The following YEATS2 variants were observed in gnomAD, a reference collection of about 807,000 sequenced individuals.
The protein encoded by YEATS2 is YEATS domain containing 2.
A neutral mutation model predicts 163.2 loss-of-function variants in YEATS2; 77 were observed. The ratio of observed to expected loss-of-function variants is 0.47; its 90% CI spans 0.39 to 0.57. The LOEUF (loss-of-function observed/expected upper bound fraction) is 0.57. Among genes scored for constraint, YEATS2 ranks in the 20% least tolerant of loss-of-function variants. YEATS2 has a pLI of 0.00. For missense variants in YEATS2, 1,549 were observed against 1,729.8 expected (o/e 0.90, Z 1.85); for synonymous variants, 631 against 645.1 (o/e 0.98, Z 0.33).
At chr3:183,749,222 C>T (rs920082549) in intron 9 of YEATS2, among the ~76,000 whole-genome samples, 12 of 152,278 alleles carry the variant, frequency 7.9e-5, no homozygotes, top group Admixed American at 5.2e-4. Flanking sequence ...GGATTACAGG[C>T]GTGAGCCATG....
At chr3:183,728,601 C>T (rs557826514) in intron 6 of YEATS2, 89 bp from the exon 7 acceptor site, 6 of 1,253,984 alleles carry the variant, frequency 4.8e-6, no homozygotes, top group Non-Finnish European at 1.1e-6. Flanking sequence ...GAATTTTAAC[C>T]TTGTTTTTAA....
chr3:183,767,462 C>A (rs1722019945), intron 15 of YEATS2, among the ~76,000 whole-genome samples: 1 of 151,850 alleles, frequency 6.6e-6, no homozygotes, highest in Admixed American at 6.6e-5. Context: ...CTCACTACAA[C>A]CTCCGCCTCT....
chr3:183,738,391 CTTTTTTTTTT>C (rs1173865612), intron 8 of YEATS2, among the ~76,000 whole-genome samples: 12 of 74,048 alleles, frequency 1.6e-4, no homozygotes, highest in Admixed American at 3.0e-4. Context: ...AGGAAAAGTT[CTTTTTTTTTT>C]TTTTTTTTTT....
Position 183,751,885 on chromosome 3 carries a change from A to G in YEATS2, c.970-188A>G, listed in dbSNP as rs1176512851. Among the ~76,000 whole-genome samples the G allele has an allele frequency of 2.0e-5, 3 of 152,248 alleles. No individual in the cohort carries two copies. The East Asian group carries it at 5.8e-4, about 29-fold the overall frequency. ...AACCAGATTAGATTTTCACTGAGGTATGTGTCTGTTAAGCCAGATTAGATT... is the reference window on the plus strand; with the variant it reads ...AACCAGATTAGATTTTCACTGAGGTGTGTGTCTGTTAAGCCAGATTAGATT... On this transcript the variant is annotated intron_variant, in intron 9 of 30. Coordinates refer to ENST00000305135, the MANE Select transcript of YEATS2 (RefSeq NM_018023.5).
At chr3:183,785,086 T>C (rs766786744) in intron 19 of YEATS2, among the ~76,000 whole-genome samples, 5 of 151,364 alleles carry the variant, frequency 3.3e-5, no homozygotes, top group Non-Finnish European at 5.9e-5. Flanking sequence ...AAAAAAAGTT[T>C]GTTGAGCCTT....
In YEATS2 at chr3:183,756,550, C is replaced by T. The variant is rs533787154; in HGVS notation, c.1413C>T (p.Ser471=). The change falls in exon 12 of 31, where the codon AGC becomes AGT. Residue 471 remains serine, a synonymous_variant. Transcript: ENST00000305135. Reference sequence around the variant, plus strand: ...AAGGTTCCCCAATATCAACTCCAAGCCCATCACCATTGCCTCGAACCCCGA... The same window carrying T: ...AAGGTTCCCCAATATCAACTCCAAGTCCATCACCATTGCCTCGAACCCCGA... ...IVSGSPISTP[S]PSPLPRTPTS... is the part of the protein sequence containing the mutation. 2 of 1,588,816 alleles carry T rather than the reference C, an allele frequency of 1.3e-6. No homozygotes were observed. The highest frequency in any genetic ancestry group is 2.3e-5 in the South Asian group (2 of 85,370).
chr3:183,797,773 C>T, intron 21 of YEATS2, 150 bp from the exon 22 acceptor site: 1 of 872,988 alleles, frequency 1.1e-6, no homozygotes, highest in Non-Finnish European at 1.7e-6. Flanking sequence ...TCCACAGCAT[C>T]TGTTGTCTCC....
Position 183,728,731 on chromosome 3 carries a change from C to T in YEATS2, c.692C>T (p.Thr231Ile), listed in dbSNP as rs1423358578. The T allele has an allele frequency of 6.2e-7, 1 of 1,613,554 alleles. No homozygotes were observed. The highest frequency in any genetic ancestry group is 8.5e-7 in the Non-Finnish European group (1 of 1,179,882). The part of the protein sequence containing the change: ...PDKREENDQS[T>I]HKWMVYVRGS... ...AAGAGGGAAGAAAATGACCAGTCAA[C>T]TCATAAGTGGATGGTATATGTCCGA... Residue 231 changes from threonine to isoleucine, a missense_variant, in exon 7 of 31, where the codon ACT (threonine) becomes ATT (isoleucine). Thr to Ile is a moderately conservative substitution (Grantham distance 89). Transcript: ENST00000305135.
chr3:183,811,704 G>T lies in YEATS2; in HGVS notation c.*1121G>T, dbSNP rs1175372153. 6.6e-6 allele frequency: 1 copy of T among 152,380 alleles called. No homozygotes were observed. Among genetic ancestry groups the T allele is most frequent in the African/African-American group, 2.4e-5 (1 of 41,432 alleles). The allele number at this position is 152,380 out of a possible 1,614,324, so 9.4% of individuals were successfully genotyped here. A position where few individuals can be genotyped will look rare whatever the true frequency, so the allele number is the denominator to read the frequency against. Reference sequence around the variant, plus strand: ...GAGAAGGTGGCGCTGCCAGGTGCCCGGGTCTATTGGAGGCGCCCCATCTCA... The same window carrying T: ...GAGAAGGTGGCGCTGCCAGGTGCCCTGGTCTATTGGAGGCGCCCCATCTCA... On this transcript the variant is annotated 3_prime_UTR_variant, in exon 31 of 31. Transcript: ENST00000305135.
At position 183,800,503 on chromosome 3, in the gene YEATS2, C is replaced by T; in HGVS notation, c.3363C>T (p.Leu1121=). 6.2e-7 allele frequency: 1 copy of T among 1,614,190 alleles called. No homozygotes were observed. The highest frequency in any genetic ancestry group is 8.5e-7 in the Non-Finnish European group (1 of 1,180,026). The part of the protein sequence containing the change: ...TEPETPGPSC[L]SQEGQTAVKT... ...CAGAAACACCTGGACCGAGTTGCCT[C>T]TCTCAGGAGGGTCAGACAGCAGTGA... Residue 1121 remains leucine, a synonymous_variant, in exon 24 of 31, where the codon CTC becomes CTT. Coordinates refer to ENST00000305135, the MANE Select transcript of YEATS2 (RefSeq NM_018023.5).
intron 2 of YEATS2, among the ~76,000 whole-genome samples, chr3:183,715,636 A>C (rs1715772305): frequency 6.6e-6 from 1 of 152,210 alleles, no homozygotes; most frequent in South Asian, 2.1e-4. Flanking sequence ...TGTATATAGA[A>C]AAAAGAATGA....
At chr3:183,766,880 G>A (rs1023370721) in intron 15 of YEATS2, among the ~76,000 whole-genome samples, 7 of 152,048 alleles carry the variant, frequency 4.6e-5, no homozygotes, top group Admixed American at 3.3e-4. Flanking sequence ...TCACTATGTT[G>A]CCCAGGCTGG....
At chr3:183,777,789 A>C in intron 19 of YEATS2, 89 bp downstream of exon 19, 1 of 1,465,652 alleles carries the variant, frequency 6.8e-7, no homozygotes, top group Non-Finnish European at 9.1e-7. Context: ...TTTCACAAAG[A>C]AATTAAGGTT....
intron 5 of YEATS2, among the ~76,000 whole-genome samples, chr3:183,723,448 T>C (rs1453482926): frequency 1.3e-5 from 2 of 152,234 alleles, no homozygotes; most frequent in Non-Finnish European, 2.9e-5. Flanking sequence ...TAAATTCATA[T>C]GTGTTCATTT....
chr3:183,809,105 A>G lies in YEATS2; in HGVS notation c.4095A>G (p.Glu1365=), dbSNP rs747474827. The G allele has an allele frequency of 1.2e-6, 2 of 1,614,166 alleles. No homozygotes were observed. The highest frequency in any genetic ancestry group is 1.1e-5 in the South Asian group (1 of 91,088). Residue 1365 remains glutamate (E), a synonymous_variant, in exon 30 of 31, where the codon GAA becomes GAG. Transcript: ENST00000305135. ...AGCATCTTCCATTGTAGGCTACAGAACAGCTGGTGAATGATATCCTGAGAC... is the reference window on the plus strand; with the variant it reads ...AGCATCTTCCATTGTAGGCTACAGAGCAGCTGGTGAATGATATCCTGAGAC... ...VVEDMILKAT[E]QLVNDILRQA...
chr3:183,741,268 G>A (rs897554458), intron 8 of YEATS2, among the ~76,000 whole-genome samples: 6 of 152,004 alleles, frequency 3.9e-5, no homozygotes, highest in East Asian at 1.9e-4. Flanking sequence ...TGAAACCAGC[G>A]CTTATTTACC....
chr3:183,741,009 G>C (rs1035879674), intron 8 of YEATS2, among the ~76,000 whole-genome samples: 30 of 152,066 alleles, frequency 2.0e-4, no homozygotes, highest in African/African-American at 6.5e-4. Context: ...CGTGATCTCG[G>C]CTCACTGCAA....
At chr3:183,711,918 C>G (rs1441684052) in intron 1 of YEATS2, among the ~76,000 whole-genome samples, 1 of 151,064 alleles carries the variant, frequency 6.6e-6, no homozygotes, top group Non-Finnish European at 1.5e-5. Flanking sequence ...TTCCCGGGTT[C>G]AAGCGATTCT....
chr3:183,807,024 CAA>C lies in YEATS2; in HGVS notation c.3944_3945del (p.Gln1315ArgfsTer14). Reference protein sequence around the residue: ...INIKKEQEEKQEEVKFYLPPT... With the variant: ...INIKKEQEEKXEEVKFYLPPT... ...CATCAAGAAGGAGCAGGAAGAGAAA[CAA>C]GAGGAAGTCAAGTTCTACCTGCCAC... is the stretch of plus-strand genomic sequence containing the variant. On this transcript the variant is annotated frameshift_variant, in exon 28 of 31. Coordinates refer to ENST00000305135, the MANE Select transcript of YEATS2 (RefSeq NM_018023.5). LOFTEE classifies it high-confidence loss of function. 6.2e-7 allele frequency: 1 copy of C among 1,614,176 alleles called. No homozygotes were observed. The highest frequency in any genetic ancestry group is 8.5e-7 in the Non-Finnish European group (1 of 1,180,046).
Sources: gnomAD v4.1 joint callset for allele counts (sites outside exome capture counted in the v4.1 genomes callset) on GRCh38, gnomAD v4.1.1 for gene constraint, MANE v1.5 for transcripts, NCBI Gene and HGNC (gene_info 2026-07-23, HGNC 2026-07-21) for gene names.